Variants in EPHA6 observed in about 807,000 individuals in gnomAD.
EPHA6 encodes the protein EPH receptor A6.
In EPHA6, 50 loss-of-function variants were observed where a neutral mutation model predicts 112.0. The ratio of observed to expected loss-of-function variants is 0.45; its 90% CI spans 0.36 to 0.56. The LOEUF (loss-of-function observed/expected upper bound fraction) is 0.56, where lower values mean the gene tolerates loss of function less well. Among genes scored for constraint, EPHA6 ranks in the 20% least tolerant of loss-of-function variants. The pLI, the probability that EPHA6 is intolerant of heterozygous loss-of-function variation, is 0.00. For missense variants in EPHA6, 1,280 were observed against 1,417.4 expected (o/e 0.90, Z 1.56); for synonymous variants, 529 against 490.7 (o/e 1.08, Z -1.03).
At position 97,356,343 on chromosome 3, in the gene EPHA6, T is replaced by C. The variant is rs935389192; in HGVS notation, c.1607-48807T>C. Reference sequence around the variant, plus strand: ...ATTATGTATTACAATGCAATATTAATAGAAATAAAGTACAAAATAAATGTA... The same window carrying C: ...ATTATGTATTACAATGCAATATTAACAGAAATAAAGTACAAAATAAATGTA... On this transcript the variant is annotated intron_variant, in intron 5 of 17. Coordinates refer to ENST00000389672, the MANE Select transcript of EPHA6 (RefSeq NM_001080448.3). 1.4e-4 allele frequency among the ~76,000 whole-genome samples: 21 copies of C among 152,326 alleles called. No homozygotes were observed. In the East Asian group the frequency reaches 4.0e-3, roughly 29 times the overall value.
At chr3:96,963,196 G>A (rs2042008067) in intron 2 of EPHA6, among the ~76,000 whole-genome samples, 2 of 150,020 alleles carry the variant, frequency 1.3e-5, no homozygotes, top group Admixed American at 1.3e-4. Context: ...ACTAAAGAGA[G>A]CACTTTTCTG....
intron 14 of EPHA6, among the ~76,000 whole-genome samples, chr3:97,695,205 C>G (rs1320950254): frequency 1.3e-5 from 2 of 152,286 alleles, no homozygotes; most frequent in African/African-American, 4.8e-5. Context: ...ATGACACCAT[C>G]ATGGAAAACC....
At chr3:96,997,696 A>G (rs751321997) in intron 3 of EPHA6, among the ~76,000 whole-genome samples, 1 of 152,048 alleles carries the variant, frequency 6.6e-6, no homozygotes, top group Non-Finnish European at 1.5e-5. Context: ...ATCATTGATA[A>G]TATCTGTTAT....
chr3:97,172,029 C>G (rs888247137), intron 3 of EPHA6, among the ~76,000 whole-genome samples: 5 of 152,018 alleles, frequency 3.3e-5, no homozygotes, highest in African/African-American at 1.2e-4. Flanking sequence ...ATCTGATTTA[C>G]TGGTCACCTT....
rs1361586902 is a variant in EPHA6 at position 97,760,955 on chromosome 3, A to T, written c.*12254A>T. On this transcript the variant is annotated 3_prime_UTR_variant, in exon 18 of 18. Transcript: ENST00000389672. ...TTTATCTATGAGAATAGGGAAGTAT[A>T]GCACTGTTTTATGTTTTTCTCTTTA... 5 of 201,024 alleles carry T rather than the reference A, an allele frequency of 2.5e-5. No individual in the cohort carries two copies. Among genetic ancestry groups the T allele is most frequent in the African/African-American group, 9.2e-5 (4 of 43,578 alleles). 12.5% of individuals were successfully genotyped at this position (201,024 alleles called of 1,614,324 possible).
At chr3:97,002,217 T>A (rs546711682) in intron 3 of EPHA6, among the ~76,000 whole-genome samples, 1,992 of 151,908 alleles carry the variant, frequency 0.013, 42 homozygotes, top group African/African-American at 0.043. Flanking sequence ...ATTTAATAAT[T>A]GCATTATGAC....
intron 5 of EPHA6, among the ~76,000 whole-genome samples, chr3:97,304,121 A>G (rs2081210396): frequency 6.6e-6 from 1 of 152,018 alleles, no homozygotes; most frequent in African/African-American, 2.4e-5. Flanking sequence ...GAAGTTTCTT[A>G]TCAGCTTAAG....
intron 3 of EPHA6, among the ~76,000 whole-genome samples, chr3:97,038,707 G>A (rs1336738515): frequency 1.3e-5 from 2 of 151,994 alleles, no homozygotes; most frequent in Non-Finnish European, 2.9e-5. Flanking sequence ...TTGGGTGTAG[G>A]CAGGGACCAG....
chr3:97,178,790 C>A lies in EPHA6; in HGVS notation c.1115-47474C>A, dbSNP rs148470689. ...TTAGGAAACTTTCTTTATCTTTGAT[C>A]TTTGAGAGTTTGATCATTAAATGCC... On this transcript the variant is annotated intron_variant, in intron 3 of 17. Coordinates refer to ENST00000389672, the MANE Select transcript of EPHA6 (RefSeq NM_001080448.3). Among the ~76,000 whole-genome samples the A allele has an allele frequency of 1.3e-4, 20 of 152,120 alleles. No homozygotes were observed. In the East Asian group the frequency reaches 3.9e-3, roughly 29 times the overall value.
intron 3 of EPHA6, among the ~76,000 whole-genome samples, chr3:97,207,079 C>T (rs911873623): frequency 2.6e-5 from 4 of 151,820 alleles, no homozygotes; most frequent in Admixed American, 2.6e-4. Flanking sequence ...TTGCAAATAA[C>T]TCTAAATAGT....
At chr3:97,281,226 TG>T (rs2080277050) in intron 5 of EPHA6, among the ~76,000 whole-genome samples, 1 of 142,118 alleles carries the variant, frequency 7.0e-6, no homozygotes, top group Non-Finnish European at 1.5e-5. Flanking sequence ...TGTGTGTGTG[TG>T]TGCGCGCGTG....
At chr3:97,111,485 C>T (rs2047722830) in intron 3 of EPHA6, among the ~76,000 whole-genome samples, 1 of 151,926 alleles carries the variant, frequency 6.6e-6, no homozygotes, top group African/African-American at 2.4e-5. Context: ...ATATTTTCAT[C>T]TACAGATAAA....
chr3:97,124,469 A>AAAAGAAAGAAAGAAAGAAAGAAAG (rs35225817), intron 3 of EPHA6, among the ~76,000 whole-genome samples: 2,144 of 149,816 alleles, frequency 0.014, 47 homozygotes, highest in African/African-American at 0.044. Context: ...TCTGTTTAAA[A>AAAAGAAAGAAAGAAAGAAAGAAAG]AAAGAAAGAA....
intron 2 of EPHA6, among the ~76,000 whole-genome samples, chr3:96,933,528 C>T (rs887072499): frequency 6.6e-6 from 1 of 152,126 alleles, no homozygotes; most frequent in Non-Finnish European, 1.5e-5. Context: ...CCTAACTCTA[C>T]TTTGATTTCC....
chr3:97,475,352 C>T lies in EPHA6; in HGVS notation c.1895C>T (p.Thr632Ile). The T allele has an allele frequency of 6.2e-7, 1 of 1,607,430 alleles. No homozygotes were observed. The highest frequency in any genetic ancestry group is 8.5e-7 in the Non-Finnish European group (1 of 1,176,234). The change falls in exon 8 of 18, where the codon ACT becomes ATT. Residue 632 changes from threonine to isoleucine, a missense_variant and splice_region_variant. Transcript: ENST00000389672. ...TTTTAATATTGTATCTCTGTTTCAG[C>T]TTCTGACATGGCAGCAGAACAAGGA... ...QKFEFETGDE[T>I]SDMAAEQGQI...
At chr3:97,413,410 G>A (rs2087874667) in intron 6 of EPHA6, among the ~76,000 whole-genome samples, 1 of 151,698 alleles carries the variant, frequency 6.6e-6, no homozygotes, top group Admixed American at 6.6e-5. Flanking sequence ...GGGAGAAAAG[G>A]GGAAGGAGGG....
At chr3:96,865,010 A>C (rs559267326) in intron 1 of EPHA6, among the ~76,000 whole-genome samples, 1 of 152,228 alleles carries the variant, frequency 6.6e-6, no homozygotes, top group South Asian at 2.1e-4. Context: ...GTAGGTAAAA[A>C]TGTATACAAG....
At chr3:97,530,951 C>A (rs1221465154) in intron 10 of EPHA6, among the ~76,000 whole-genome samples, 1 of 151,980 alleles carries the variant, frequency 6.6e-6, no homozygotes, top group Non-Finnish European at 1.5e-5. Context: ...TATTGTACTG[C>A]CAAATCTAAT....
intron 14 of EPHA6, among the ~76,000 whole-genome samples, chr3:97,674,029 A>C (rs2031117035): frequency 6.6e-6 from 1 of 152,260 alleles, no homozygotes; most frequent in Admixed American, 6.5e-5. Flanking sequence ...GCTGTACTTA[A>C]AATGATGTAT....
Sources: allele counts gnomAD v4.1 joint callset (sites outside exome capture counted in the v4.1 genomes callset), GRCh38; gene constraint gnomAD v4.1.1; transcripts MANE v1.5; gene names NCBI Gene and HGNC (gene_info 2026-07-23, HGNC 2026-07-21).